Variants in MYOM3 observed in about 807,000 individuals in gnomAD.
MYOM3 encodes the protein myomesin 3.
MYOM3 carries 155 observed loss-of-function variants against 191.7 expected under a neutral mutation model. The observed-to-expected ratio is 0.81, with a 90% CI of 0.71 to 0.92. The LOEUF is 0.92. MYOM3 is among the 40% of genes least tolerant of loss of function. MYOM3 has a pLI of 0.00. For missense variants in MYOM3, 1,889 were observed against 1,890.6 expected, an observed-to-expected ratio of 1.00 and a Z score of 0.02; for synonymous variants, 757 against 762.9, an observed-to-expected ratio of 0.99 and a Z score of 0.13.
At chr1:24,064,001 C>A in intron 30 of MYOM3, 71 bp downstream of exon 30, 1 of 1,134,910 alleles carries the variant, frequency 8.8e-7, no homozygotes. Flanking sequence ...ATAAATCTTA[C>A]TGCACAGATC....
chr1:24,101,956 C>G (rs1229602840), intron 5 of MYOM3, among the ~76,000 whole-genome samples: 4 of 152,188 alleles, frequency 2.6e-5, no homozygotes, highest in Non-Finnish European at 5.9e-5. Context: ...CTTAGGAGGC[C>G]TGGATTTTGA....
chr1:24,098,040 C>T, intron 6 of MYOM3, 29 bp from the exon 7 acceptor site: 1 of 1,440,184 alleles, frequency 6.9e-7, no homozygotes, highest in Non-Finnish European at 9.8e-7. Flanking sequence ...GAAGTTCCTC[C>T]CAAGACTGCT....
intron 28 of MYOM3, chr1:24,066,815 C>G: frequency 5.5e-6 from 3 of 546,194 alleles, no homozygotes; most frequent in South Asian, 5.4e-5. Context: ...CCACCTCACA[C>G]GAATCCTACC....
chr1:24,092,377 C>T (rs1570879369), intron 10 of MYOM3, 62 bp from the exon 11 acceptor site: 2 of 1,299,828 alleles, frequency 1.5e-6, no homozygotes, highest in Non-Finnish European at 2.0e-6. Context: ...ACAGGCCCTT[C>T]CCACTCCCGC....
At position 24,096,423 on chromosome 1, in the gene MYOM3, G is replaced by A. The variant is rs542384029; in HGVS notation, c.746-937C>T. Among the ~76,000 whole-genome samples the A allele has an allele frequency of 5.3e-5, 8 of 152,336 alleles. No individual in the cohort carries two copies. In the South Asian group the frequency reaches 1.7e-3, roughly 32 times the overall value. ...CCAGCCTTGATGGAGAGAGGGACAG[G>A]GATCTGGAAGGAGTGGTGGGAAGGA... On this transcript the variant is annotated intron_variant, in intron 7 of 36. Transcript: ENST00000374434.
chr1:24,056,304 C>G lies in MYOM3; in HGVS notation c.*1060G>C, dbSNP rs1643300134. 6.6e-6 allele frequency: 1 copy of G among 152,244 alleles called. No individual in the cohort carries two copies. Among genetic ancestry groups the G allele is most frequent in the Non-Finnish European group, 1.5e-5 (1 of 68,096 alleles). 9.4% of individuals were successfully genotyped at this position (152,244 alleles called of 1,614,324 possible). Reference sequence around the variant, plus strand: ...CTGGTATCCAAGGCCTCCTGGGCAGCCTTAGCCTCCTCCTTCCCTTTCCTC... The same window carrying G: ...CTGGTATCCAAGGCCTCCTGGGCAGGCTTAGCCTCCTCCTTCCCTTTCCTC... On this transcript the variant is annotated 3_prime_UTR_variant, in exon 37 of 37. Transcript: ENST00000374434.
rs138733500 is a variant in MYOM3, at chr1:24,104,297, C to A, written c.560+1623G>T. On this transcript the variant is annotated intron_variant, in intron 5 of 36. Coordinates refer to ENST00000374434, the MANE Select transcript of MYOM3 (RefSeq NM_152372.4). ...TAGGCTGTTCCCTGTCAAGATCTGG[C>A]TCATAGGCAACCTCTTCTGAGAAGC... 2.6e-3 allele frequency among the ~76,000 whole-genome samples: 394 copies of A among 152,318 alleles called. 1 individual carries two copies. The highest frequency in any genetic ancestry group is 8.7e-3 in the African/African-American group (361 of 41,572).
rs1570846849 is a variant in MYOM3 at position 24,058,932 on chromosome 1, C to T, written c.4042G>A (p.Glu1348Lys). 4 of 1,610,994 alleles carry T rather than the reference C, an allele frequency of 2.5e-6. No individual in the cohort carries two copies. The East Asian group carries it at 8.9e-5, about 36-fold the overall frequency. ...RGLPDVATIM[E>K]DKTLCLTCIV... ...CTGGGAAGGGTCAGTACCTTATCTT[C>T]CATGATAGTGGCCACATCCGGCAGA... Residue 1348 changes from glutamate to lysine, a missense_variant, in exon 36 of 37, where the codon GAA (glutamate) becomes AAA (lysine). Coordinates refer to ENST00000374434, the MANE Select transcript of MYOM3 (RefSeq NM_152372.4).
chr1:24,066,620 G>A, intron 28 of MYOM3: 1 of 356,848 alleles, frequency 2.8e-6, no homozygotes, highest in East Asian at 5.5e-5. Context: ...CATCTATGAA[G>A]TGAGGATAGT....
chr1:24,079,482 G>A (rs1643642228), intron 20 of MYOM3, among the ~76,000 whole-genome samples: 1 of 151,998 alleles, frequency 6.6e-6, no homozygotes, highest in Admixed American at 6.6e-5. Flanking sequence ...TTAAAGGAAT[G>A]AGCCACCATG....
intron 27 of MYOM3, among the ~76,000 whole-genome samples, chr1:24,067,386 T>TTCTTTC (rs71779971): frequency 2.1e-5 from 1 of 47,832 alleles, no homozygotes; most frequent in African/African-American, 8.2e-5. Flanking sequence ...CTTTCTTTCT[T>TTCTTTC]TTTCCTTCCT....
rs60682447 is a variant in MYOM3 at position 24,072,619 on chromosome 1, C to CCGCCTCCA, written c.2969-614_2969-607dup. ...GTGCAATCTTGGCTCACTGCAACCTCCGCCTCCAGGGTTCAAGCAATTCTC... is the reference window on the plus strand; with the variant it reads ...GTGCAATCTTGGCTCACTGCAACCTCCGCCTCCACGCCTCCAGGGTTCAAGCAATTCTC... On this transcript the variant is annotated intron_variant, in intron 23 of 36. Transcript: ENST00000374434. Among the ~76,000 whole-genome samples the CCGCCTCCA allele has an allele frequency of 1.0e-2, 1,515 of 152,250 alleles. 20 individuals are homozygous for CCGCCTCCA. The highest frequency in any genetic ancestry group is 0.035 in the African/African-American group (1,463 of 41,518).
rs1643979699 is a variant in MYOM3 at position 24,106,014 on chromosome 1, A to G, written c.466T>C (p.Phe156Leu). The G allele has an allele frequency of 6.2e-7, 1 of 1,613,882 alleles. No homozygotes were observed. The highest frequency in any genetic ancestry group is 8.5e-7 in the Non-Finnish European group (1 of 1,179,956). Reference sequence around the variant, plus strand: ...GCGTGGGAGCGAAGAGGGATCCAGAACCAGGGCCCGCGGCCGTAGCACAGC... The same window carrying G: ...GCGTGGGAGCGAAGAGGGATCCAGAGCCAGGGCCCGCGGCCGTAGCACAGC... ...RELCYGRGPW[F>L]WIPLRSHAVW... The change falls in exon 5 of 37, where the codon TTC (phenylalanine) becomes CTC (leucine). Residue 156 changes from phenylalanine (F) to leucine (L), a missense_variant. By Grantham distance (22) the Phe-to-Leu change is conservative (BLOSUM62 0). Transcript: ENST00000374434.
chr1:24,086,762 G>A lies in MYOM3; in HGVS notation c.1680C>T (p.Phe560=), dbSNP rs199789464. The A allele has an allele frequency of 6.5e-5, 105 of 1,614,196 alleles. No individual in the cohort carries two copies. The East Asian group carries it at 2.1e-3, about 32-fold the overall frequency. ...TCTTTTTCTCCAGGTCCAGAACGGC[G>A]AATCTCGGGGATCTCACAGGGCTTT... is the stretch of plus-strand genomic sequence containing the variant. The part of the protein sequence containing the change: ...SSESPVRSPR[F]AVLDLEKKKS... Residue 560 remains phenylalanine (F), a synonymous_variant, in exon 15 of 37, where the codon TTC becomes TTT. Coordinates refer to ENST00000374434, the MANE Select transcript of MYOM3 (RefSeq NM_152372.4).
rs758813379 is a variant in MYOM3, at chr1:24,092,986, A to T, written c.1051T>A (p.Phe351Ile). 11 of 1,608,250 alleles carry T rather than the reference A, an allele frequency of 6.8e-6. No homozygotes were observed. In the African/African-American group the frequency reaches 1.1e-4, roughly 16 times the overall value. ...GLYMVRVPSP[F>I]GPREQSTYVL... ...TAGGTGCTCTGTTCCCGGGGTCCGA[A>T]GGGCGAGGGCACCCGGACCATGTAG... The change falls in exon 10 of 37, where the codon TTC becomes ATC. Residue 351 changes from phenylalanine (F) to isoleucine (I), a missense_variant. By Grantham distance (21) the Phe-to-Ile change is conservative. Transcript: ENST00000374434.
At chr1:24,091,381 C>G (rs1643824703) in intron 11 of MYOM3, among the ~76,000 whole-genome samples, 1 of 152,212 alleles carries the variant, frequency 6.6e-6, no homozygotes, top group South Asian at 2.1e-4. Flanking sequence ...TAGGATTTAC[C>G]TGAGCTTGTC....
chr1:24,102,941 G>A (rs1643950531), intron 5 of MYOM3, among the ~76,000 whole-genome samples: 1 of 152,154 alleles, frequency 6.6e-6, no homozygotes, highest in South Asian at 2.1e-4. Flanking sequence ...ACCTCTGGAG[G>A]TCAGTCCTGG....
Position 24,094,704 on chromosome 1 carries a change from A to C in MYOM3, c.928+149T>G, listed in dbSNP as rs951677130. The C allele has an allele frequency of 2.7e-5, 20 of 738,832 alleles. 1 individual carries two copies. In the Middle Eastern group the frequency reaches 1.6e-3, roughly 58 times the overall value. The allele number at this position is 738,832 out of a possible 1,614,324, so 45.8% of individuals were successfully genotyped here. A position where few individuals can be genotyped will look rare whatever the true frequency, so the allele number is the denominator to read the frequency against. On this transcript the variant is annotated intron_variant, in intron 9 of 36. Transcript: ENST00000374434. ...GCATGATCTGACCACACCTGGCTGC[A>C]CTCCCGCTCTCCTCTGCCTCTTCAG...
chr1:24,078,486 G>T (rs187117906), intron 20 of MYOM3, among the ~76,000 whole-genome samples: 5 of 152,294 alleles, frequency 3.3e-5, no homozygotes, highest in Non-Finnish European at 2.9e-5. Context: ...TATCCTATTT[G>T]TTAGTATCTT....
Sources: allele counts gnomAD v4.1 joint callset (sites outside exome capture counted in the v4.1 genomes callset), GRCh38; gene constraint gnomAD v4.1.1; transcripts MANE v1.5; gene names NCBI Gene and HGNC (gene_info 2026-07-23, HGNC 2026-07-21).